CCDC77: variants seen among roughly 807,000 people sequenced by gnomAD.
The protein encoded by CCDC77 is coiled-coil domain-containing protein 77.
A neutral mutation model predicts 66.8 loss-of-function variants in CCDC77; 56 were observed. The observed-to-expected ratio is 0.84, with a 90% confidence interval of 0.68 to 1.05. The LOEUF is 1.05. Among genes scored for constraint, CCDC77 ranks in the 50% least tolerant of loss-of-function variants. CCDC77 has a pLI of 0.00. For synonymous variants in CCDC77, 196 were observed against 195.2 expected, an observed-to-expected ratio of 1.00 and a Z score of -0.03; for missense variants, 570 against 576.8, an observed-to-expected ratio of 0.99 and a Z score of 0.12.
rs1487258289 is a variant in CCDC77, at chr12:442,388, A to C, written c.*468A>C. The C allele has an allele frequency of 1.3e-5, 2 of 153,602 alleles. No individual in the cohort carries two copies. Among genetic ancestry groups the C allele is most frequent in the Admixed American group, 1.3e-4 (2 of 15,470 alleles). 9.5% of individuals were successfully genotyped at this position (153,602 alleles called of 1,614,324 possible). On this transcript the variant is annotated 3_prime_UTR_variant, in exon 13 of 13. Transcript: ENST00000239830. ...ACCTGTCACATTGAAATAGGCGCTC[A>C]TTCTGCTATTTCACCTTCCGTCCTG...
chr12:408,061 A>AC (rs1945033217), intron 2 of CCDC77, among the ~76,000 whole-genome samples: 2 of 152,144 alleles, frequency 1.3e-5, no homozygotes, highest in Admixed American at 1.3e-4. Context: ...TGCTGGGATT[A>AC]CAGGCATGAG....
chr12:405,958 AC>A (rs1225683134), intron 2 of CCDC77, among the ~76,000 whole-genome samples: 1 of 141,618 alleles, frequency 7.1e-6, no homozygotes, highest in East Asian at 2.0e-4. Flanking sequence ...TCACTCTGTC[AC>A]CCCAGCTGGA....
Position 411,739 on chromosome 12 carries a change from TC to T in CCDC77, c.39-7del, listed in dbSNP as rs763155909. The T allele has an allele frequency of 8.5e-5, 137 of 1,606,680 alleles. 1 individual carries two copies. Among genetic ancestry groups the T allele is most frequent in the South Asian group, 5.5e-4 (50 of 90,730 alleles). On this transcript the variant is annotated splice_polypyrimidine_tract_variant and splice_region_variant and intron_variant, in intron 3 of 12. Coordinates refer to ENST00000239830, the MANE Select transcript of CCDC77 (RefSeq NM_032358.4). ...TGTGATGAATATATCATTTCTAATT[TC>T]ACGTAGGCGAACAGTTGTCTCCAAA...
chr12:399,882 T>G (rs185132402), upstream of CCDC77, among the ~76,000 whole-genome samples: 3 of 152,296 alleles, frequency 2.0e-5, no homozygotes, highest in Non-Finnish European at 4.4e-5. Context: ...AACATGAGAG[T>G]CAGTCTGTTC....
intron 10 of CCDC77, 141 bp from the exon 11 acceptor site, chr12:440,476 A>T (rs1346126991): frequency 2.3e-6 from 2 of 881,732 alleles, no homozygotes; most frequent in Non-Finnish European, 3.4e-6. Flanking sequence ...ATGTTCCTCA[A>T]AGTTCCTTGT....
intron 9 of CCDC77, among the ~76,000 whole-genome samples, chr12:437,339 T>G (rs1315665169): frequency 6.6e-6 from 1 of 152,194 alleles, no homozygotes; most frequent in Admixed American, 6.5e-5. Context: ...TCCTTGACAA[T>G]CTCATGGCAT....
Position 433,278 on chromosome 12 carries a change from T to C in CCDC77, c.777T>C (p.Val259=). The change falls in exon 9 of 13, where the codon GTT becomes GTC. Residue 259 remains valine, a synonymous_variant. Coordinates refer to ENST00000239830, the MANE Select transcript of CCDC77 (RefSeq NM_032358.4). ...DRRIHLEEIQ[V]QHQRNQNKIK... ...GGATTCACCTTGAGGAAATACAAGT[T>C]CAGCACCAGAGAAATCAGAACAAAA... 1 of 1,613,932 alleles carries C rather than the reference T, an allele frequency of 6.2e-7. No homozygotes were observed. Among genetic ancestry groups the C allele is most frequent in the Non-Finnish European group, 8.5e-7 (1 of 1,179,976 alleles).
At chr12:425,096 A>G (rs963004450) in intron 5 of CCDC77, among the ~76,000 whole-genome samples, 8 of 151,252 alleles carry the variant, frequency 5.3e-5, no homozygotes, top group African/African-American at 2.0e-4. Flanking sequence ...ACACCTGACT[A>G]ATTTTTGTAT....
intron 3 of CCDC77, among the ~76,000 whole-genome samples, chr12:410,064 A>G (rs1471978697): frequency 1.3e-5 from 2 of 151,972 alleles, no homozygotes; most frequent in African/African-American, 2.4e-5. Context: ...TCACTGGGAA[A>G]ATGTTTAAGT....
In CCDC77 at chr12:441,953, G is replaced by T. The variant is rs768903744; in HGVS notation, c.*33G>T. The T allele has an allele frequency of 3.1e-6, 5 of 1,611,840 alleles. No individual in the cohort carries two copies. The African/African-American group carries it at 4.0e-5, about 13-fold the overall frequency. On this transcript the variant is annotated 3_prime_UTR_variant, in exon 13 of 13. Transcript: ENST00000239830. ...TTTTGGAAATGGCCCCCATTTAGAA[G>T]AGGTGTGCTTCTTGAAACCTGAGGA...
At chr12:433,525 C>A in intron 9 of CCDC77, 1 of 1,272,506 alleles carries the variant, frequency 7.9e-7, no homozygotes, top group South Asian at 2.2e-5. Context: ...GAGTATTTCA[C>A]GTGCTCCTTT....
chr12:413,786 C>G (rs1372299202), intron 4 of CCDC77, among the ~76,000 whole-genome samples: 1 of 151,544 alleles, frequency 6.6e-6, no homozygotes, highest in East Asian at 1.9e-4. Flanking sequence ...CGCCACCACA[C>G]CTGGCTAATT....
At chr12:430,920 A>C (rs1369837110) in intron 7 of CCDC77, among the ~76,000 whole-genome samples, 184 bp downstream of exon 7, 1 of 152,002 alleles carries the variant, frequency 6.6e-6, no homozygotes, top group Non-Finnish European at 1.5e-5. Flanking sequence ...CTCTACATAA[A>C]ATACAAAAAA....
intron 10 of CCDC77, among the ~76,000 whole-genome samples, chr12:439,140 T>TA (rs1945813175): frequency 1.3e-5 from 2 of 152,154 alleles, no homozygotes; most frequent in African/African-American, 2.4e-5. Flanking sequence ...GCCCTAGAGT[T>TA]ACAGTAATCT....
At chr12:441,626 G>A (rs1945859241) in intron 12 of CCDC77, 148 bp from the exon 13 acceptor site, 1 of 775,964 alleles carries the variant, frequency 1.3e-6, no homozygotes, top group African/African-American at 1.8e-5. Context: ...TCCTTCTTTA[G>A]TTAGCCACTG....
chr12:424,196 C>G (rs994314355), intron 5 of CCDC77, among the ~76,000 whole-genome samples: 5 of 152,090 alleles, frequency 3.3e-5, no homozygotes, highest in African/African-American at 1.2e-4. Context: ...GTCTCAAACT[C>G]CTGAGCTCAA....
In CCDC77 at chr12:417,901, CA is replaced by C. The variant is rs879418342; in HGVS notation, c.271-582del. On this transcript the variant is annotated intron_variant, in intron 4 of 12. Transcript: ENST00000239830. The stretch of plus-strand genomic sequence containing the variant: ...TGGGCGACAGAGTGAGACTCTGTCT[CA>C]AAAAAAAAAAGTGTGGATAGAATAG... Among the ~76,000 whole-genome samples the C allele has an allele frequency of 4.9e-3, 673 of 136,040 alleles. 5 individuals are homozygous for C. Among genetic ancestry groups the C allele is most frequent in the Middle Eastern group, 0.028 (7 of 246 alleles). The allele number at this position is 136,040 out of a possible 152,430, so 89.2% of individuals were successfully genotyped here.
rs1198782691 is a variant in CCDC77 at position 418,561 on chromosome 12, A to G, written c.338A>G (p.Asp113Gly). The G allele has an allele frequency of 2.5e-6, 4 of 1,613,840 alleles. No individual in the cohort carries two copies. Among genetic ancestry groups the G allele is most frequent in the Non-Finnish European group, 1.7e-6 (2 of 1,179,718 alleles). The change falls in exon 5 of 13, where the codon GAT becomes GGT. Residue 113 changes from aspartate (D) to glycine (G), a missense_variant. Transcript: ENST00000239830. Reference sequence around the variant, plus strand: ...GCTGAATTGCAGAAAGCTCTAAGTGATATGCAGGTCTGCCTCTTCCAGGAA... The same window carrying G: ...GCTGAATTGCAGAAAGCTCTAAGTGGTATGCAGGTCTGCCTCTTCCAGGAA... ...EIAELQKALS[D>G]MQVCLFQERE...
At chr12:423,031 A>C (rs1591980751) in intron 5 of CCDC77, among the ~76,000 whole-genome samples, 1 of 148,156 alleles carries the variant, frequency 6.7e-6, no homozygotes, top group Non-Finnish European at 1.5e-5. Flanking sequence ...ACCATTTTAT[A>C]TTCCCACCAG....
Sources: gnomAD v4.1 joint callset for allele counts (sites outside exome capture counted in the v4.1 genomes callset) on GRCh38, gnomAD v4.1.1 for gene constraint, MANE v1.5 for transcripts, NCBI Gene and HGNC (gene_info 2026-07-23, HGNC 2026-07-21) for gene names.